TRIO: variants seen among roughly 807,000 people sequenced by gnomAD.
TRIO encodes the protein triple functional domain protein.
A neutral mutation model predicts 351.9 loss-of-function variants in TRIO; 58 were observed. The observed-to-expected ratio is 0.16, with a 90% confidence interval of 0.13 to 0.21. The LOEUF (loss-of-function observed/expected upper bound fraction) is 0.21. Ranked by LOEUF, TRIO falls within the 10% of genes least tolerant of loss-of-function variation. TRIO has a pLI of 1.00. For missense variants in TRIO, 3,201 were observed against 4,027.8 expected, an observed-to-expected ratio of 0.79 and a Z score of 5.56; for synonymous variants, 1,758 against 1,595.7, an observed-to-expected ratio of 1.10 and a Z score of -2.42.
intron 8 of TRIO, among the ~76,000 whole-genome samples, chr5:14,309,627 C>T (rs1250210763): frequency 6.6e-6 from 1 of 152,206 alleles, no homozygotes; most frequent in Non-Finnish European, 1.5e-5. Flanking sequence ...GTGACTGATG[C>T]CAATGGTACA....
At chr5:14,151,584 A>G (rs1316893754) in intron 1 of TRIO, among the ~76,000 whole-genome samples, 1 of 152,238 alleles carries the variant, frequency 6.6e-6, no homozygotes, top group African/African-American at 2.4e-5. Context: ...TATAAATGAC[A>G]TGAATGCTTT....
At chr5:14,277,468 CTT>C (rs1396756349) in intron 2 of TRIO, among the ~76,000 whole-genome samples, 2 of 152,182 alleles carry the variant, frequency 1.3e-5, no homozygotes, top group African/African-American at 4.8e-5. Context: ...CATTTCCTGT[CTT>C]TTTCATTTCA....
Position 14,397,174 on chromosome 5 carries a change from C to T in TRIO, c.4423+20C>T, listed in dbSNP as rs1747675463. 1 of 1,570,472 alleles carries T rather than the reference C, an allele frequency of 6.4e-7. No individual in the cohort carries two copies. Among genetic ancestry groups the T allele is most frequent in the African/African-American group, 1.3e-5 (1 of 74,108 alleles). On this transcript the variant is annotated intron_variant, in intron 29 of 56. Transcript: ENST00000344204. ...TGGAAGGTAAAGGACCCTCCATACC[C>T]CAGTGTGCATCTATGCAGTTTCTAA...
rs185413363 is a variant in TRIO, at chr5:14,330,118, C to G, written c.1732-660C>G. Among the ~76,000 whole-genome samples the G allele has an allele frequency of 1.6e-4, 24 of 152,342 alleles. No individual in the cohort carries two copies. The East Asian group carries it at 4.4e-3, about 28-fold the overall frequency. On this transcript the variant is annotated intron_variant, in intron 9 of 56. Coordinates refer to ENST00000344204, the MANE Select transcript of TRIO (RefSeq NM_007118.4). ...GACCCAATGAACTACTCAGTTCCAA[C>G]TACGAAGTTTAAAACATAAGATTAT... is the stretch of plus-strand genomic sequence containing the variant.
chr5:14,301,427 A>C (rs1449988175), intron 7 of TRIO, among the ~76,000 whole-genome samples: 1 of 152,064 alleles, frequency 6.6e-6, no homozygotes, highest in Non-Finnish European at 1.5e-5. Context: ...TCTAGGGAGC[A>C]CTTAAAGCAT....
At chr5:14,207,093 G>A (rs1791503195) in intron 1 of TRIO, among the ~76,000 whole-genome samples, 1 of 152,044 alleles carries the variant, frequency 6.6e-6, no homozygotes, top group African/African-American at 2.4e-5. Flanking sequence ...AAAGTCTATA[G>A]TTTAAACTTT....
intron 49 of TRIO, among the ~76,000 whole-genome samples, chr5:14,495,430 C>G (rs58753685): frequency 6.6e-6 from 1 of 152,076 alleles, no homozygotes; most frequent in Admixed American, 6.5e-5. Flanking sequence ...CAAAGAAGTT[C>G]TACTCTGGGT....
At chr5:14,225,667 C>G (rs1040842474) in intron 1 of TRIO, among the ~76,000 whole-genome samples, 1 of 152,122 alleles carries the variant, frequency 6.6e-6, no homozygotes, top group Non-Finnish European at 1.5e-5. Flanking sequence ...TGACACTGCA[C>G]CTGCTTTTAA....
At chr5:14,427,707 C>T (rs1191882692) in intron 34 of TRIO, among the ~76,000 whole-genome samples, 1 of 152,140 alleles carries the variant, frequency 6.6e-6, no homozygotes, top group African/African-American at 2.4e-5. Context: ...GGTCCCATGT[C>T]AGCCAGTTCT....
At chr5:14,491,458 C>T (rs1480857211) in intron 48 of TRIO, among the ~76,000 whole-genome samples, 2 of 152,160 alleles carry the variant, frequency 1.3e-5, no homozygotes, top group Non-Finnish European at 2.9e-5. Context: ...CACCAGATGC[C>T]GTTTCTCACA....
At chr5:14,336,816 A>G in intron 11 of TRIO, 89 bp downstream of exon 11, 1 of 1,416,196 alleles carries the variant, frequency 7.1e-7, no homozygotes, top group Non-Finnish European at 9.7e-7. Context: ...ATAATGTGAG[A>G]AAGTGGACAA....
At chr5:14,490,016 C>T (rs1218778876) in intron 48 of TRIO, among the ~76,000 whole-genome samples, 1 of 152,234 alleles carries the variant, frequency 6.6e-6, no homozygotes, top group East Asian at 1.9e-4. Flanking sequence ...TGATGTCTCA[C>T]ACCTGTAATC....
chr5:14,426,714 G>C (rs1205807526), intron 34 of TRIO, among the ~76,000 whole-genome samples: 2 of 152,238 alleles, frequency 1.3e-5, no homozygotes, highest in Non-Finnish European at 1.5e-5. Flanking sequence ...GCAAGAAGCG[G>C]AGGAGATGGG....
At chr5:14,307,801 C>T (rs1428682113) in intron 8 of TRIO, among the ~76,000 whole-genome samples, 6 of 152,352 alleles carry the variant, frequency 3.9e-5, no homozygotes, top group South Asian at 2.1e-4. Context: ...TGATGATGAT[C>T]ACCTATTTCC....
intron 1 of TRIO, among the ~76,000 whole-genome samples, chr5:14,250,872 C>T (rs1347366991): frequency 2.0e-5 from 3 of 152,184 alleles, no homozygotes; most frequent in Non-Finnish European, 4.4e-5. Context: ...CATTTTCTCA[C>T]TGAATTCTCC....
intron 48 of TRIO, among the ~76,000 whole-genome samples, chr5:14,489,499 G>C (rs1756314783): frequency 6.6e-6 from 1 of 152,188 alleles, no homozygotes; most frequent in Non-Finnish European, 1.5e-5. Flanking sequence ...TCAACCCAGT[G>C]ACGGGCTATA....
At chr5:14,284,012 G>A (rs191888807) in intron 3 of TRIO, among the ~76,000 whole-genome samples, 1 of 151,954 alleles carries the variant, frequency 6.6e-6, no homozygotes, top group Admixed American at 6.5e-5. Flanking sequence ...ATGATTTTTG[G>A]TTGCTAAATA....
In TRIO at chr5:14,222,005, A is replaced by G. The variant is rs1792661189; in HGVS notation, c.158-48820A>G. Among the ~76,000 whole-genome samples, 7 of 152,192 alleles carry G rather than the reference A, an allele frequency of 4.6e-5. No individual in the cohort carries two copies. The South Asian group carries it at 1.4e-3, about 31-fold the overall frequency. ...CTGCATCACTGTCTTATTTTAAGAAATTGCCGCAGCCACCCCAGCCTTCAA... is the reference window on the plus strand; with the variant it reads ...CTGCATCACTGTCTTATTTTAAGAAGTTGCCGCAGCCACCCCAGCCTTCAA... On this transcript the variant is annotated intron_variant, in intron 1 of 56. Coordinates refer to ENST00000344204, the MANE Select transcript of TRIO (RefSeq NM_007118.4).
intron 27 of TRIO, among the ~76,000 whole-genome samples, chr5:14,391,794 G>A (rs1339324807): frequency 2.0e-5 from 3 of 152,204 alleles, no homozygotes; most frequent in Non-Finnish European, 2.9e-5. Context: ...GTGAAAGTCT[G>A]GGGAAGTAGA....
Sources: allele counts gnomAD v4.1 joint callset (sites outside exome capture counted in the v4.1 genomes callset), GRCh38; gene constraint gnomAD v4.1.1; transcripts MANE v1.5; gene names NCBI Gene and HGNC (gene_info 2026-07-23, HGNC 2026-07-21).